GNAO1: variants seen among roughly 807,000 people sequenced by gnomAD.
GNAO1 encodes the protein G protein subunit alpha o1.
For missense variants in GNAO1, 166 were observed against 478.7 expected (o/e 0.35, Z 6.10); for synonymous variants, 164 against 180.7 (o/e 0.91, Z 0.74).
intron 2 of GNAO1, chr16:56,194,166 C>T (rs2036208912): frequency 2.2e-6 from 1 of 456,444 alleles, no homozygotes; most frequent in African/African-American, 2.0e-5. Context: ...TCGAGAGCTC[C>T]CTGGGGCTTT....
chr16:56,240,144 G>A (rs1475181302), intron 2 of GNAO1, among the ~76,000 whole-genome samples: 1 of 152,128 alleles, frequency 6.6e-6, no homozygotes, highest in African/African-American at 2.4e-5. Flanking sequence ...AATGGAGATG[G>A]GATCTCTTCC....
rs367938685 is a variant in GNAO1, at chr16:56,239,673, A to T, written c.162-36258A>T. On this transcript the variant is annotated intron_variant, in intron 2 of 8. Transcript: ENST00000262493. Reference sequence around the variant, plus strand: ...TAATCATTTAATGTTTATTATTCTGAGGAAAATTTAAGAATTTCTGTATTC... The same window carrying T: ...TAATCATTTAATGTTTATTATTCTGTGGAAAATTTAAGAATTTCTGTATTC... 1.3e-4 allele frequency among the ~76,000 whole-genome samples: 20 copies of T among 152,362 alleles called. No homozygotes were observed. In the South Asian group the frequency reaches 4.1e-3, roughly 32 times the overall value.
At chr16:56,196,440 C>T (rs761118652) in intron 2 of GNAO1, among the ~76,000 whole-genome samples, 2 of 152,108 alleles carry the variant, frequency 1.3e-5, no homozygotes, top group Non-Finnish European at 2.9e-5. Flanking sequence ...TATTTAATTG[C>T]CAAACCCTTA....
rs2143269759 is a variant in GNAO1, at chr16:56,192,145, C to T, written c.-91C>T. The stretch of plus-strand genomic sequence containing the variant: ...TATCGTGATTTTCCCCCCTTGAGCC[C>T]AGGCTCTGCTCTCTGGGGGGGTGGG... On this transcript the variant is annotated 5_prime_UTR_variant, in exon 1 of 9. Transcript: ENST00000262493. 1.4e-6 allele frequency: 1 copy of T among 716,020 alleles called. No homozygotes were observed. 44.4% of individuals were successfully genotyped at this position (716,020 alleles called of 1,614,324 possible). A position where few individuals can be genotyped will look rare whatever the true frequency, so the allele number is the denominator to read the frequency against.
intron 3 of GNAO1, among the ~76,000 whole-genome samples, chr16:56,317,404 C>T (rs903641934): frequency 1.3e-5 from 2 of 152,138 alleles, no homozygotes; most frequent in African/African-American, 4.8e-5. Context: ...ATGTTAAAGT[C>T]CTTAAGGCCC....
At chr16:56,346,233 G>C in intron 6 of GNAO1, 2 of 985,440 alleles carry the variant, frequency 2.0e-6, no homozygotes, top group Non-Finnish European at 2.4e-6. Context: ...GTAACCAGCG[G>C]CTCCATCTTG....
In GNAO1 at chr16:56,285,455, CT is replaced by C. The variant is rs201073752; in HGVS notation, c.303+9384del. 4.6e-5 allele frequency among the ~76,000 whole-genome samples: 7 copies of C among 152,290 alleles called. No homozygotes were observed. The East Asian group carries it at 1.4e-3, about 30-fold the overall frequency. ...ACACAGGGGGAACTGACCGCCTCCC[CT>C]CTGGAGAGGGGCCATTGTGTGAGCA... On this transcript the variant is annotated intron_variant, in intron 3 of 8. Coordinates refer to ENST00000262493, the MANE Select transcript of GNAO1 (RefSeq NM_020988.3).
chr16:56,322,466 C>T (rs539140865), intron 3 of GNAO1, among the ~76,000 whole-genome samples: 1 of 152,342 alleles, frequency 6.6e-6, no homozygotes, highest in East Asian at 1.9e-4. Flanking sequence ...CCCCTAAAAG[C>T]AGGCAGACAA....
At chr16:56,292,669 G>T (rs1447538407) in intron 3 of GNAO1, among the ~76,000 whole-genome samples, 7 of 152,172 alleles carry the variant, frequency 4.6e-5, no homozygotes, top group African/African-American at 7.2e-5. Context: ...GCCAAATTTA[G>T]AATTTAAAAT....
intron 2 of GNAO1, among the ~76,000 whole-genome samples, chr16:56,208,914 C>G (rs1406201733): frequency 1.3e-5 from 2 of 151,882 alleles, no homozygotes; most frequent in African/African-American, 4.8e-5. Flanking sequence ...CAAATATTAC[C>G]TCCCATTCCC....
At chr16:56,300,439 C>T (rs1259198037) in intron 3 of GNAO1, among the ~76,000 whole-genome samples, 1 of 152,232 alleles carries the variant, frequency 6.6e-6, no homozygotes, top group South Asian at 2.1e-4. Flanking sequence ...TTAACCTCCA[C>T]TGACTGGTCA....
intron 6 of GNAO1, among the ~76,000 whole-genome samples, chr16:56,348,902 C>A (rs2037897405): frequency 6.6e-6 from 1 of 152,192 alleles, no homozygotes; most frequent in African/African-American, 2.4e-5. Flanking sequence ...CCCAAGTCCT[C>A]CCCTGCACTG....
intron 3 of GNAO1, among the ~76,000 whole-genome samples, chr16:56,315,707 C>T (rs2037501872): frequency 1.3e-5 from 2 of 152,048 alleles, no homozygotes; most frequent in South Asian, 4.1e-4. Context: ...ACATAAAAAC[C>T]CCCCTGCCTC....
At chr16:56,291,474 G>A (rs571337449) in intron 3 of GNAO1, among the ~76,000 whole-genome samples, 1 of 152,294 alleles carries the variant, frequency 6.6e-6, no homozygotes, top group Non-Finnish European at 1.5e-5. Context: ...CGGTTAAGTT[G>A]TAAGAGTCCT....
chr16:56,202,985 C>G (rs1347932668), intron 2 of GNAO1, among the ~76,000 whole-genome samples: 2 of 152,156 alleles, frequency 1.3e-5, no homozygotes, highest in Non-Finnish European at 2.9e-5. Flanking sequence ...TCTGGGGTTA[C>G]ACCTTTAGGG....
chr16:56,250,071 A>G (rs1177601309), intron 2 of GNAO1, among the ~76,000 whole-genome samples: 1 of 152,152 alleles, frequency 6.6e-6, no homozygotes, highest in Non-Finnish European at 1.5e-5. Flanking sequence ...GCCCCAAACC[A>G]TCAGGAAGAA....
chr16:56,296,597 G>T (rs2037290304), intron 3 of GNAO1, among the ~76,000 whole-genome samples: 1 of 152,146 alleles, frequency 6.6e-6, no homozygotes, highest in Non-Finnish European at 1.5e-5. Flanking sequence ...GAGGATCAAG[G>T]CTATTCAGGG....
chr16:56,243,019 C>T (rs56136420), intron 2 of GNAO1, among the ~76,000 whole-genome samples: 2,670 of 151,948 alleles, frequency 0.018, 47 homozygotes, highest in South Asian at 0.053. Flanking sequence ...GGAATGGGAA[C>T]GCTGTTGTGA....
rs376056110 is a variant in GNAO1, at chr16:56,245,924, GGT to G, written c.162-30002_162-30001del. 1.4e-3 allele frequency among the ~76,000 whole-genome samples: 218 copies of G among 152,254 alleles called. 4 individuals are homozygous for G. In the South Asian group the frequency reaches 0.036, roughly 25 times the overall value. On this transcript the variant is annotated intron_variant, in intron 2 of 8. Transcript: ENST00000262493. ...AATGGGAGGTTTATAATTCAGATTG[GGT>G]GTGTAGGGGGGTAAGGGGCACCAGG... is the stretch of plus-strand genomic sequence containing the variant.
Sources: gnomAD v4.1 joint callset for allele counts (sites outside exome capture counted in the v4.1 genomes callset) on GRCh38, gnomAD v4.1.1 for gene constraint, MANE v1.5 for transcripts, NCBI Gene and HGNC (gene_info 2026-07-23, HGNC 2026-07-21) for gene names.